The following ACSL4 variants were observed in gnomAD, a reference collection of about 807,000 sequenced individuals.
ACSL4 encodes the protein long-chain-fatty-acid--CoA ligase 4.
ACSL4 carries 9 observed loss-of-function variants against 49.1 expected under a neutral mutation model. That is an observed-to-expected ratio of 0.18 (90% CI 0.11 to 0.32). The LOEUF (loss-of-function observed/expected upper bound fraction) is 0.32, where lower values mean the gene tolerates loss of function less well. ACSL4 is among the 10% of genes least tolerant of loss of function. The probability of loss-of-function intolerance (pLI) is 1.00; values close to 1 mark genes in which losing one functional copy is unlikely to be tolerated. For missense variants in ACSL4, 333 were observed against 493.7 expected (o/e 0.67, Z 3.08); for synonymous variants, 191 against 170.3 (o/e 1.12, Z -0.95).
At chrX:109,730,088 C>T (rs1057414942) in intron 1 of ACSL4, among the ~76,000 whole-genome samples, 4 of 112,136 alleles carry the variant, frequency 3.6e-5, no homozygotes, top group Non-Finnish European at 5.6e-5. Flanking sequence ...TAAATACATA[C>T]ATGCAAATGA....
At chrX:109,686,371 C>A in intron 2 of ACSL4, among the ~76,000 whole-genome samples, 2 of 112,190 alleles carry the variant, frequency 1.8e-5, no homozygotes, top group Non-Finnish European at 3.8e-5. Flanking sequence ...AATCTACCAA[C>A]ACACCATTTT....
rs1924114789 is a variant in ACSL4 at position 109,680,943 on chromosome X, C to T, written c.655+55G>A. The T allele has an allele frequency of 5.2e-6, 6 of 1,164,288 alleles. No homozygotes were observed. In the Admixed American group the frequency reaches 1.1e-4, roughly 21 times the overall value. On this transcript the variant is annotated intron_variant, in intron 6 of 15. Coordinates refer to ENST00000672401, the MANE Select transcript of ACSL4 (RefSeq NM_001318510.2). ...TCATGTCATTTGTTTCCCTAACCTA[C>T]CAAAATAACAAACTTGGAATAGGTA... is the stretch of plus-strand genomic sequence containing the variant.
rs148996116 is a variant in ACSL4, at chrX:109,663,285, T to C, written c.1508A>G (p.Asp503Gly). 4.3e-5 allele frequency: 52 copies of C among 1,207,780 alleles called. No individual in the cohort carries two copies. In the African/African-American group the frequency reaches 8.2e-4, roughly 19 times the overall value. Residue 503 changes from aspartate (D) to glycine (G), a missense_variant, in exon 13 of 16, where the codon GAT becomes GGT. Physicochemically the swap from Asp to Gly is moderately conservative, Grantham distance 94. Transcript: ENST00000672401. ...GCAAAACCACCTTTGTCCATTTTCATCCACAGAATAATCTTCTGCTGTTTT... is the reference window on the plus strand; with the variant it reads ...GCAAAACCACCTTTGTCCATTTTCACCCACAGAATAATCTTCTGCTGTTTT... ...EEKTAEDYSV[D>G]ENGQRWFCTG...
chrX:109,709,258 C>T lies in ACSL4; in HGVS notation c.-65-13062G>A, dbSNP rs763913846. ...TAGACCCAGAGGGCTACTTTCCACA[C>T]GGGTGATCAGAGGGCCTGTGAAAGG... On this transcript the variant is annotated intron_variant, in intron 1 of 15. Transcript: ENST00000672401. Among the ~76,000 whole-genome samples, 10 of 112,061 alleles carry T rather than the reference C, an allele frequency of 8.9e-5. No individual in the cohort carries two copies. The South Asian group carries it at 3.3e-3, about 37-fold the overall frequency.
At chrX:109,690,540 A>T (rs758040000) in intron 2 of ACSL4, among the ~76,000 whole-genome samples, 1 of 111,900 alleles carries the variant, frequency 8.9e-6, no homozygotes, top group African/African-American at 3.2e-5. Flanking sequence ...TTTTAAAGAT[A>T]TAACAGACTC....
chrX:109,703,388 G>A (rs1185301743), intron 1 of ACSL4, among the ~76,000 whole-genome samples: 18 of 111,511 alleles, frequency 1.6e-4, no homozygotes, highest in African/African-American at 5.5e-4. Context: ...GTTAACATTA[G>A]GGGAAATTGG....
chrX:109,664,741 C>G (rs1025635169), intron 12 of ACSL4, among the ~76,000 whole-genome samples: 5 of 111,875 alleles, frequency 4.5e-5, no homozygotes, highest in Admixed American at 9.5e-5. Flanking sequence ...GGTAAATATT[C>G]TCTTTTAAAA....
intron 15 of ACSL4, among the ~76,000 whole-genome samples, chrX:109,657,844 A>G (rs1921819537): frequency 9.0e-6 from 1 of 111,389 alleles, no homozygotes; most frequent in Non-Finnish European, 1.9e-5. Context: ...ACAGTGTAAA[A>G]GTGTTCCTAT....
chrX:109,722,319 TAATC>T (rs1489104985), intron 1 of ACSL4, among the ~76,000 whole-genome samples: 1 of 111,955 alleles, frequency 8.9e-6, no homozygotes. Context: ...GTTCTCCTAA[TAATC>T]AATTTGATAA....
intron 9 of ACSL4, among the ~76,000 whole-genome samples, chrX:109,671,157 C>T (rs1056311007): frequency 9.2e-6 from 1 of 108,676 alleles, no homozygotes; most frequent in Non-Finnish European, 1.9e-5. Flanking sequence ...TCTTCCCGGC[C>T]GTCATCCTGT....
At chrX:109,715,650 G>T (rs1183447946) in intron 1 of ACSL4, among the ~76,000 whole-genome samples, 1 of 109,985 alleles carries the variant, frequency 9.1e-6, no homozygotes, top group Non-Finnish European at 1.9e-5. Context: ...TATATATAGA[G>T]AGAGATCAAA....
chrX:109,713,832 G>A lies in ACSL4; in HGVS notation c.-65-17636C>T, dbSNP rs180767473. ...ACCACATAACATTTCAGTCAATGACGGACTGCATATACAGTCGTCCCATAA... is the reference window on the plus strand; with the variant it reads ...ACCACATAACATTTCAGTCAATGACAGACTGCATATACAGTCGTCCCATAA... On this transcript the variant is annotated intron_variant, in intron 1 of 15. Transcript: ENST00000672401. Among the ~76,000 whole-genome samples the A allele has an allele frequency of 2.7e-5, 3 of 111,914 alleles. 1 individual carries two copies. The Admixed American group carries it at 2.8e-4, about 11-fold the overall frequency.
intron 6 of ACSL4, 98 bp downstream of exon 6, chrX:109,680,900 G>T (rs1924111879): frequency 1.1e-6 from 1 of 910,519 alleles, no homozygotes; most frequent in Non-Finnish European, 1.6e-6. Flanking sequence ...TTCAGTCAAA[G>T]AACTTTTGTG....
chrX:109,715,713 T>C (rs1045595425), intron 1 of ACSL4, among the ~76,000 whole-genome samples: 1 of 111,367 alleles, frequency 9.0e-6, no homozygotes, highest in Non-Finnish European at 1.9e-5. Context: ...GACATGAAAC[T>C]AAAACTTTTA....
chrX:109,658,102 A>G (rs988695157), intron 15 of ACSL4, among the ~76,000 whole-genome samples: 9 of 110,894 alleles, frequency 8.1e-5, no homozygotes, highest in African/African-American at 2.3e-4. Context: ...TCCCATACTG[A>G]CCTCATCATC....
At chrX:109,653,682 A>G (rs922607579) in intron 15 of ACSL4, among the ~76,000 whole-genome samples, 2 of 109,878 alleles carry the variant, frequency 1.8e-5, no homozygotes, top group Non-Finnish European at 3.8e-5. Context: ...GGAAATCATC[A>G]TTCTCAGTAA....
At chrX:109,685,249 T>C (rs1354537570) in intron 2 of ACSL4, among the ~76,000 whole-genome samples, 6 of 109,421 alleles carry the variant, frequency 5.5e-5, no homozygotes, top group African/African-American at 2.0e-4. Flanking sequence ...TGCATCACCA[T>C]GCCTGGCTAG....
At chrX:109,647,459 T>A (rs915258655) in intron 15 of ACSL4, among the ~76,000 whole-genome samples, 2 of 112,013 alleles carry the variant, frequency 1.8e-5, no homozygotes, top group Non-Finnish European at 3.8e-5. Flanking sequence ...GAAATAAAGA[T>A]GTTCTTTGAA....
chrX:109,682,590 T>C, intron 4 of ACSL4, 129 bp downstream of exon 4: 1 of 746,959 alleles, frequency 1.3e-6, no homozygotes. Context: ...TTACATGCCG[T>C]ATTATGGACA....
Sources: gnomAD v4.1 joint callset for allele counts (sites outside exome capture counted in the v4.1 genomes callset) on GRCh38, gnomAD v4.1.1 for gene constraint, MANE v1.5 for transcripts, NCBI Gene and HGNC (gene_info 2026-07-23, HGNC 2026-07-21) for gene names.